The following ZFHX3 variants were observed in gnomAD, a reference collection of about 807,000 sequenced individuals.
ZFHX3 encodes the protein zinc finger homeobox protein 3.
ZFHX3 carries 42 observed loss-of-function variants against 279.1 expected under a neutral mutation model. The ratio of observed to expected loss-of-function variants is 0.15; its 90% CI spans 0.12 to 0.19. The LOEUF is 0.19. Ranked by LOEUF, ZFHX3 falls within the 10% of genes least tolerant of loss-of-function variation. The pLI, the probability that ZFHX3 is intolerant of heterozygous loss-of-function variation, is 1.00. For synonymous variants in ZFHX3, 2,293 were observed against 1,957.8 expected (o/e 1.17, Z -4.52); for missense variants, 4,981 against 4,754.0 (o/e 1.05, Z -1.40).
intron 1 of ZFHX3, among the ~76,000 whole-genome samples, chr16:73,789,215 CTG>C (rs1440955640): frequency 6.6e-6 from 1 of 151,730 alleles, no homozygotes; most frequent in Non-Finnish European, 1.5e-5. Context: ...GAGTCTCACT[CTG>C]TCACCCAGGC....
chr16:73,658,018 A>T (rs1294084998), intron 2 of ZFHX3, among the ~76,000 whole-genome samples: 1 of 152,276 alleles, frequency 6.6e-6, no homozygotes. Flanking sequence ...AAGACAAATT[A>T]TAATACTTCA....
intron 2 of ZFHX3, among the ~76,000 whole-genome samples, chr16:73,632,184 T>G (rs528690190): frequency 6.0e-4 from 91 of 152,242 alleles, no homozygotes; most frequent in Admixed American, 1.0e-3. Flanking sequence ...GTTGAGCAAT[T>G]TATGTCTTCT....
chr16:73,049,884 G>A (rs758527205), upstream of ZFHX3, among the ~76,000 whole-genome samples: 2 of 152,106 alleles, frequency 1.3e-5, no homozygotes, highest in Non-Finnish European at 2.9e-5. Flanking sequence ...ACACCTTAAA[G>A]AAAACAATTA....
intron 2 of ZFHX3, among the ~76,000 whole-genome samples, chr16:73,671,085 C>A (rs748163199): frequency 6.6e-6 from 1 of 152,136 alleles, no homozygotes; most frequent in Non-Finnish European, 1.5e-5. Context: ...AATGACTACA[C>A]GAACAAAGGA....
At chr16:73,216,951 G>A (rs777940009) in intron 5 of ZFHX3, among the ~76,000 whole-genome samples, 3 of 152,164 alleles carry the variant, frequency 2.0e-5, no homozygotes, top group African/African-American at 4.8e-5. Context: ...GACATGTTCC[G>A]AAAGCATGGC....
chr16:72,936,310 T>G (rs953576725), intron 3 of ZFHX3, among the ~76,000 whole-genome samples: 1 of 152,202 alleles, frequency 6.6e-6, no homozygotes, highest in African/African-American at 2.4e-5. Flanking sequence ...GGTTCAATAT[T>G]TATTGAGCTG....
chr16:73,574,782 A>T (rs2051782536), intron 2 of ZFHX3, among the ~76,000 whole-genome samples: 1 of 152,060 alleles, frequency 6.6e-6, no homozygotes, highest in African/African-American at 2.4e-5. Context: ...CATCCACGTC[A>T]TTCTCCTGCT....
intron 3 of ZFHX3, among the ~76,000 whole-genome samples, chr16:73,450,034 T>C (rs1251751022): frequency 6.6e-6 from 1 of 152,228 alleles, no homozygotes; most frequent in African/African-American, 2.4e-5. Context: ...TAAATAAAAA[T>C]TGTACATATT....
chr16:73,091,044 T>C (rs1966072239), intron 8 of ZFHX3, among the ~76,000 whole-genome samples: 2 of 151,338 alleles, frequency 1.3e-5, no homozygotes, highest in Admixed American at 1.3e-4. Flanking sequence ...ACCCCGTCTC[T>C]ACTAAAAATA....
At chr16:73,379,889 C>A (rs1157135170) in intron 3 of ZFHX3, among the ~76,000 whole-genome samples, 3 of 152,154 alleles carry the variant, frequency 2.0e-5, no homozygotes, top group African/African-American at 7.2e-5. Flanking sequence ...AAGGCAGCAT[C>A]CAGGCCTACT....
At chr16:73,206,072 C>A (rs1567418183) in intron 5 of ZFHX3, among the ~76,000 whole-genome samples, 2 of 152,146 alleles carry the variant, frequency 1.3e-5, no homozygotes, top group Non-Finnish European at 2.9e-5. Context: ...TATGTAAATT[C>A]TTTGGGCAAC....
chr16:73,652,507 G>C (rs2052681581), intron 2 of ZFHX3, among the ~76,000 whole-genome samples: 1 of 152,164 alleles, frequency 6.6e-6, no homozygotes, highest in Non-Finnish European at 1.5e-5. Context: ...ATCCCAAGAG[G>C]AAGTTCTCAG....
chr16:73,054,136 A>G (rs1254102880), intron 1 of ZFHX3, among the ~76,000 whole-genome samples: 1 of 152,156 alleles, frequency 6.6e-6, no homozygotes, highest in Admixed American at 6.5e-5. Flanking sequence ...CTTAATATTT[A>G]TTGGTGTTTA....
intron 1 of ZFHX3, among the ~76,000 whole-genome samples, chr16:72,963,511 A>T (rs1961687424): frequency 6.6e-6 from 1 of 152,146 alleles, no homozygotes; most frequent in African/African-American, 2.4e-5. Flanking sequence ...TCTTGTACAG[A>T]AGAATTCCAG....
At chr16:72,911,870 CA>C (rs1255595881) in intron 3 of ZFHX3, among the ~76,000 whole-genome samples, 4 of 152,058 alleles carry the variant, frequency 2.6e-5, no homozygotes, top group Admixed American at 6.5e-5. Context: ...AAGCAGAGGG[CA>C]GGGGGAGAGG....
intron 7 of ZFHX3, among the ~76,000 whole-genome samples, chr16:73,104,646 G>GTACA (rs1233496491): frequency 1.3e-5 from 2 of 152,304 alleles, no homozygotes; most frequent in Middle Eastern, 3.4e-3. Flanking sequence ...ATAGTTCACA[G>GTACA]GCTTAGCTGT....
intron 4 of ZFHX3, among the ~76,000 whole-genome samples, chr16:72,850,719 CA>C (rs1364822101): frequency 1.3e-5 from 2 of 152,022 alleles, no homozygotes; most frequent in African/African-American, 4.8e-5. Context: ...GCTTTGGGCT[CA>C]AAGGATTGAC....
chr16:73,218,538 G>A (rs1384396435), intron 5 of ZFHX3, among the ~76,000 whole-genome samples: 2 of 152,192 alleles, frequency 1.3e-5, no homozygotes, highest in African/African-American at 4.8e-5. Context: ...GGAGGCCGAG[G>A]CAGGCAGATC....
At chr16:73,729,662 C>T in intron 1 of ZFHX3, among the ~76,000 whole-genome samples, 1 of 152,194 alleles carries the variant, frequency 6.6e-6, no homozygotes, top group Middle Eastern at 3.2e-3. Context: ...CCATAGCATC[C>T]TTGCCAACCT....
Sources: gnomAD v4.1 joint callset for allele counts (sites outside exome capture counted in the v4.1 genomes callset) on GRCh38, gnomAD v4.1.1 for gene constraint, MANE v1.5 for transcripts, NCBI Gene and HGNC (gene_info 2026-07-23, HGNC 2026-07-21) for gene names.